Variants in IGFBP7 observed in about 807,000 individuals in gnomAD.
IGFBP7 encodes the protein insulin like growth factor binding protein 7, also known as insulin-like growth factor-binding protein 7.
In IGFBP7, 31 loss-of-function variants were observed where a neutral mutation model predicts 29.4. That is an observed-to-expected ratio of 1.05 (90% confidence interval 0.79 to 1.42). IGFBP7 has a LOEUF of 1.42. Among genes scored for constraint, IGFBP7 ranks in the 40% most tolerant of loss-of-function variants. The probability of loss-of-function intolerance (pLI) is 0.00; values close to 1 mark genes in which losing one functional copy is unlikely to be tolerated. For missense variants in IGFBP7, 393 were observed against 395.5 expected, an observed-to-expected ratio of 0.99 and a Z score of 0.05; for synonymous variants, 172 against 174.9, an observed-to-expected ratio of 0.98 and a Z score of 0.13.
chr4:57,050,063 C>T (rs1327894422), intron 1 of IGFBP7, among the ~76,000 whole-genome samples: 1 of 151,730 alleles, frequency 6.6e-6, no homozygotes. Flanking sequence ...ACTCACCAAC[C>T]AATTAGTATA....
intron 1 of IGFBP7, among the ~76,000 whole-genome samples, chr4:57,075,376 G>A (rs1472036424): frequency 6.6e-6 from 1 of 152,070 alleles, no homozygotes; most frequent in Admixed American, 6.6e-5. Context: ...TCCTTAATCT[G>A]TGTTATTTTT....
At chr4:57,032,589 G>GGT (rs1723963691) in intron 3 of IGFBP7, 37 bp from the exon 4 acceptor site, 1 of 1,521,572 alleles carries the variant, frequency 6.6e-7, no homozygotes, top group Non-Finnish European at 9.1e-7. Context: ...CCTCTGTGGT[G>GGT]GTCTTCTCTT....
intron 1 of IGFBP7, among the ~76,000 whole-genome samples, chr4:57,104,510 A>G (rs1317468290): frequency 6.6e-6 from 1 of 152,230 alleles, no homozygotes; most frequent in Non-Finnish European, 1.5e-5. Flanking sequence ...TCAACTTTCA[A>G]TGAAGTTCAT....
chr4:57,102,415 C>T (rs928074145), intron 1 of IGFBP7, among the ~76,000 whole-genome samples: 15 of 152,126 alleles, frequency 9.9e-5, no homozygotes, highest in African/African-American at 3.1e-4. Flanking sequence ...GATGTGGCCC[C>T]TCCCCCTCAA....
intron 1 of IGFBP7, among the ~76,000 whole-genome samples, chr4:57,075,204 T>C (rs562545365): frequency 1.3e-5 from 2 of 152,204 alleles, no homozygotes; most frequent in Non-Finnish European, 2.9e-5. Context: ...ATTAGGATCA[T>C]TTCAGTATAA....
At chr4:57,100,809 A>G (rs1725880394) in intron 1 of IGFBP7, among the ~76,000 whole-genome samples, 1 of 152,266 alleles carries the variant, frequency 6.6e-6, no homozygotes. Context: ...GCTGGTCTAC[A>G]TACCACACTT....
At chr4:57,108,957 T>A (rs1726102826) in intron 1 of IGFBP7, among the ~76,000 whole-genome samples, 1 of 152,136 alleles carries the variant, frequency 6.6e-6, no homozygotes, top group Admixed American at 6.5e-5. Flanking sequence ...GGACAAATTA[T>A]GCAAAACAAT....
At chr4:57,090,803 T>G (rs909696202) in intron 1 of IGFBP7, among the ~76,000 whole-genome samples, 2 of 152,170 alleles carry the variant, frequency 1.3e-5, no homozygotes, top group Admixed American at 1.3e-4. Context: ...GAGCTGAGAT[T>G]GCACCATTGC....
At chr4:57,032,651 A>T (rs1390257118) in intron 3 of IGFBP7, 99 bp from the exon 4 acceptor site, 1 of 956,758 alleles carries the variant, frequency 1.0e-6, no homozygotes, top group Non-Finnish European at 1.7e-6. Flanking sequence ...TAAGATGACC[A>T]GGGGATTCAT....
intron 1 of IGFBP7, among the ~76,000 whole-genome samples, chr4:57,047,491 C>A (rs766581542): frequency 1.3e-5 from 2 of 152,132 alleles, no homozygotes; most frequent in Admixed American, 6.5e-5. Context: ...AGAAAGATAG[C>A]CAGATCCTGA....
intron 1 of IGFBP7, among the ~76,000 whole-genome samples, chr4:57,062,073 C>T (rs934854009): frequency 4.6e-5 from 7 of 152,142 alleles, no homozygotes; most frequent in African/African-American, 1.7e-4. Context: ...GACTAAGTGT[C>T]TTGTGCGAGG....
At chr4:57,050,245 G>C (rs1433164542) in intron 1 of IGFBP7, among the ~76,000 whole-genome samples, 1 of 137,126 alleles carries the variant, frequency 7.3e-6, no homozygotes, top group African/African-American at 2.7e-5. Context: ...TTTTATTTAA[G>C]TTTTTTTTTT....
intron 1 of IGFBP7, among the ~76,000 whole-genome samples, chr4:57,088,798 G>A (rs1725562510): frequency 6.6e-6 from 1 of 152,038 alleles, no homozygotes; most frequent in Non-Finnish European, 1.5e-5. Context: ...GGAGGTCAAG[G>A]CAGGCGGATC....
intron 2 of IGFBP7, 40 bp from the exon 3 acceptor site, chr4:57,033,351 C>A: frequency 2.3e-6 from 3 of 1,309,950 alleles, no homozygotes; most frequent in Non-Finnish European, 2.2e-6. Context: ...GTTTTGTACA[C>A]CAGATCATCT....
At chr4:57,095,399 T>C (rs570823772) in intron 1 of IGFBP7, among the ~76,000 whole-genome samples, 71 of 152,290 alleles carry the variant, frequency 4.7e-4, no homozygotes, top group African/African-American at 1.7e-3. Flanking sequence ...CAGTGAATAA[T>C]GAGAATGTAT....
chr4:57,054,639 CAAAAAA>C (rs75161514), intron 1 of IGFBP7, among the ~76,000 whole-genome samples: 350 of 27,880 alleles, frequency 0.013, 2 homozygotes, highest in African/African-American at 0.031. Context: ...CTCTCTCTCA[CAAAAAA>C]AAAAAAAAAA....
intron 1 of IGFBP7, among the ~76,000 whole-genome samples, chr4:57,106,520 A>T (rs1726035483): frequency 6.6e-6 from 1 of 152,084 alleles, no homozygotes; most frequent in Non-Finnish European, 1.5e-5. Context: ...TGCATAAAGG[A>T]GGTTGGAGAG....
chr4:57,096,783 A>G (rs1725772820), intron 1 of IGFBP7, among the ~76,000 whole-genome samples: 1 of 152,206 alleles, frequency 6.6e-6, no homozygotes, highest in Non-Finnish European at 1.5e-5. Context: ...GATGCAATGA[A>G]TCAACCTAAG....
intron 1 of IGFBP7, among the ~76,000 whole-genome samples, chr4:57,067,272 G>GT (rs1724941510): frequency 6.6e-6 from 1 of 152,118 alleles, no homozygotes; most frequent in African/African-American, 2.4e-5. Context: ...ACCCCAAAAC[G>GT]TAAGCCTTAA....
Sources: allele counts gnomAD v4.1 joint callset (sites outside exome capture counted in the v4.1 genomes callset), GRCh38; gene constraint gnomAD v4.1.1; transcripts MANE v1.5; gene names NCBI Gene and HGNC (gene_info 2026-07-23, HGNC 2026-07-21).